The following GRB10 variants were observed in gnomAD, a reference collection of about 807,000 sequenced individuals.
GRB10 encodes growth factor receptor-bound protein 10.
GRB10 carries 20 observed loss-of-function variants against 80.9 expected under a neutral mutation model. That is an observed-to-expected ratio of 0.25 (90% confidence interval 0.17 to 0.36). The LOEUF is 0.36. GRB10 is among the 10% of genes least tolerant of loss of function. The pLI is 1.00. For synonymous variants in GRB10, 291 were observed against 291.5 expected (o/e 1.00, Z 0.02); for missense variants, 548 against 747.7 (o/e 0.73, Z 3.12).
At chr7:50,765,489 A>G (rs1461884062) in intron 2 of GRB10, among the ~76,000 whole-genome samples, 2 of 152,250 alleles carry the variant, frequency 1.3e-5, no homozygotes, top group Admixed American at 1.3e-4. Context: ...ACCATAAAAA[A>G]GGAGTGAAAT....
intron 7 of GRB10, among the ~76,000 whole-genome samples, chr7:50,627,743 G>GT (rs2153592402): frequency 6.6e-6 from 1 of 152,346 alleles, no homozygotes; most frequent in East Asian, 1.9e-4. Context: ...AACACGAGGT[G>GT]TGTTTAACAA....
chr7:50,669,154 T>C (rs2060104889), intron 7 of GRB10, among the ~76,000 whole-genome samples: 1 of 152,216 alleles, frequency 6.6e-6, no homozygotes, highest in Non-Finnish European at 1.5e-5. Flanking sequence ...ATCAAATCAT[T>C]GTTATTATTT....
intron 17 of GRB10, among the ~76,000 whole-genome samples, chr7:50,600,989 C>T (rs2047497078): frequency 6.6e-6 from 1 of 152,180 alleles, no homozygotes; most frequent in African/African-American, 2.4e-5. Flanking sequence ...GTGAACATCC[C>T]TCAGTAGGGG....
At chr7:50,705,595 C>T (rs1001003595) in intron 4 of GRB10, among the ~76,000 whole-genome samples, 1 of 152,196 alleles carries the variant, frequency 6.6e-6, no homozygotes, top group Non-Finnish European at 1.5e-5. Context: ...CATGCATACT[C>T]TATTTGAGTC....
At chr7:50,717,890 G>A (rs1266129932) in intron 4 of GRB10, among the ~76,000 whole-genome samples, 2 of 152,230 alleles carry the variant, frequency 1.3e-5, no homozygotes, top group Admixed American at 6.5e-5. Flanking sequence ...CCTACGAGAC[G>A]CAACCACAAG....
At chr7:50,772,140 A>G (rs6946194) in intron 2 of GRB10, among the ~76,000 whole-genome samples, 93,920 of 152,088 alleles carry the variant, frequency 0.62, 31,901 homozygotes, top group Middle Eastern at 0.87. Flanking sequence ...TAAGACAAAA[A>G]GGGAAAAAAG....
At chr7:50,667,471 C>G (rs1321000974) in intron 7 of GRB10, among the ~76,000 whole-genome samples, 3 of 152,080 alleles carry the variant, frequency 2.0e-5, no homozygotes, top group Non-Finnish European at 4.4e-5. Context: ...TTTCCTCAAG[C>G]AAGGGGCAAG....
intron 3 of GRB10, among the ~76,000 whole-genome samples, chr7:50,749,887 T>A (rs1251922975): frequency 6.6e-6 from 1 of 152,250 alleles, no homozygotes; most frequent in African/African-American, 2.4e-5. Flanking sequence ...AAGCACAGTT[T>A]GTACTTATCA....
At chr7:50,643,913 A>G (rs2056729639) in intron 7 of GRB10, among the ~76,000 whole-genome samples, 1 of 152,206 alleles carries the variant, frequency 6.6e-6, no homozygotes, top group Non-Finnish European at 1.5e-5. Context: ...TTCTCTATAC[A>G]TTTGAAATTT....
Position 50,614,845 on chromosome 7 carries a change from C to T in GRB10, c.1020G>A (p.Glu340=), listed in dbSNP as rs1377509070. The change falls in exon 12 of 19, where the codon GAG becomes GAA. Residue 340 remains glutamate, a synonymous_variant. Transcript: ENST00000401949. Reference sequence around the variant, plus strand: ...CGATCAGGGAGAAGATGTTGCTGTCCTCCAGGTCGGCCAGCAGCTGCAGGT... The same window carrying T: ...CGATCAGGGAGAAGATGTTGCTGTCTTCCAGGTCGGCCAGCAGCTGCAGGT... ...PRHLQLLADL[E]DSNIFSLIAG... is the part of the protein sequence containing the mutation. 6.2e-7 allele frequency: 1 copy of T among 1,614,014 alleles called. No homozygotes were observed. Among genetic ancestry groups the T allele is most frequent in the Non-Finnish European group, 8.5e-7 (1 of 1,179,956 alleles).
intron 4 of GRB10, among the ~76,000 whole-genome samples, chr7:50,721,727 A>G (rs892181747): frequency 2.0e-5 from 3 of 152,090 alleles, no homozygotes; most frequent in Non-Finnish European, 4.4e-5. Flanking sequence ...GAAGGGTGAT[A>G]GGTCTCCACT....
chr7:50,678,377 T>C (rs549662330), intron 5 of GRB10, among the ~76,000 whole-genome samples: 2 of 152,346 alleles, frequency 1.3e-5, no homozygotes, highest in East Asian at 3.9e-4. Flanking sequence ...GGTTATAATC[T>C]TCATAAACTG....
At chr7:50,735,584 T>A (rs2070663368) in intron 3 of GRB10, among the ~76,000 whole-genome samples, 1 of 152,102 alleles carries the variant, frequency 6.6e-6, no homozygotes, top group African/African-American at 2.4e-5. Flanking sequence ...TGTGTCTGAG[T>A]AACAGGGTTT....
At chr7:50,683,464 C>T (rs1439196857) in intron 5 of GRB10, among the ~76,000 whole-genome samples, 1 of 152,186 alleles carries the variant, frequency 6.6e-6, no homozygotes, top group Admixed American at 6.5e-5. Flanking sequence ...GGGCTGGGAG[C>T]AGTGGCTCAC....
At chr7:50,766,297 T>G (rs1387022426) in intron 2 of GRB10, among the ~76,000 whole-genome samples, 1 of 152,160 alleles carries the variant, frequency 6.6e-6, no homozygotes, top group East Asian at 1.9e-4. Flanking sequence ...GCTCTATACC[T>G]AAACACAATG....
In GRB10 at chr7:50,756,066, C is replaced by A; in HGVS notation, c.-216-10G>T. 1 of 398,640 alleles carries A rather than the reference C, an allele frequency of 2.5e-6. No homozygotes were observed. Among genetic ancestry groups the A allele is most frequent in the South Asian group, 1.3e-4 (1 of 7,846 alleles). 24.7% of individuals were successfully genotyped at this position (398,640 alleles called of 1,614,324 possible). ...GTGGTCAGCGCCAAAGCTGGAAAGT[C>A]AAACGGGCCATCACTGAACTTCCGT... On this transcript the variant is annotated splice_polypyrimidine_tract_variant and intron_variant, in intron 2 of 18. Coordinates refer to ENST00000401949, the MANE Select transcript of GRB10 (RefSeq NM_001350814.2).
intron 7 of GRB10, among the ~76,000 whole-genome samples, chr7:50,650,284 C>T (rs1000752791): frequency 6.6e-6 from 1 of 152,180 alleles, no homozygotes; most frequent in African/African-American, 2.4e-5. Context: ...CTTGATGAGA[C>T]CCATTTCAGG....
intron 13 of GRB10, chr7:50,606,807 G>A (rs2048626727): frequency 3.7e-6 from 1 of 266,866 alleles, no homozygotes; most frequent in East Asian, 9.4e-5. Flanking sequence ...GGACTGTACT[G>A]CATTCGATTC....
intron 5 of GRB10, among the ~76,000 whole-genome samples, chr7:50,688,624 G>A (rs944786669): frequency 2.0e-5 from 3 of 151,976 alleles, no homozygotes; most frequent in Admixed American, 6.6e-5. Context: ...GTGAGAAGAC[G>A]CCAAAGAGTA....
Sources: allele counts gnomAD v4.1 joint callset (sites outside exome capture counted in the v4.1 genomes callset), GRCh38; gene constraint gnomAD v4.1.1; transcripts MANE v1.5; gene names NCBI Gene and HGNC (gene_info 2026-07-23, HGNC 2026-07-21).